NETO1: variants seen among roughly 807,000 people sequenced by gnomAD.
NETO1 encodes the protein neuropilin and tolloid-like protein 1.
In NETO1, 26 loss-of-function variants were observed where a neutral mutation model predicts 61.3. The observed-to-expected ratio is 0.42, with a 90% CI of 0.31 to 0.59. NETO1 has a LOEUF of 0.59. Ranked by LOEUF, NETO1 falls within the 20% of genes least tolerant of loss-of-function variation. The pLI, the probability that NETO1 is intolerant of heterozygous loss-of-function variation, is 0.12. For missense variants in NETO1, 531 were observed against 662.8 expected, an observed-to-expected ratio of 0.80 and a Z score of 2.18; for synonymous variants, 225 against 225.8, an observed-to-expected ratio of 1.00 and a Z score of 0.03.
At chr18:72,774,251 C>T (rs2071471464) in intron 7 of NETO1, among the ~76,000 whole-genome samples, 2 of 152,068 alleles carry the variant, frequency 1.3e-5, no homozygotes, top group South Asian at 4.1e-4. Flanking sequence ...TTCATCCATT[C>T]CAGTTACTGC....
intron 4 of NETO1, among the ~76,000 whole-genome samples, chr18:72,805,873 G>A (rs2072659362): frequency 6.6e-6 from 1 of 152,092 alleles, no homozygotes; most frequent in Non-Finnish European, 1.5e-5. Flanking sequence ...ATATGTTTGA[G>A]TATGATGTTG....
intron 4 of NETO1, among the ~76,000 whole-genome samples, chr18:72,851,779 CTTAA>C (rs1164019832): frequency 2.6e-5 from 4 of 152,082 alleles, no homozygotes; most frequent in East Asian, 1.9e-4. Flanking sequence ...AGTATTATCC[CTTAA>C]TTAAATTTCT....
chr18:72,785,237 C>T (rs1357685930), intron 6 of NETO1, among the ~76,000 whole-genome samples: 2 of 77,094 alleles, frequency 2.6e-5, no homozygotes, highest in Admixed American at 1.3e-4. Flanking sequence ...GAAACTGATA[C>T]GACAATTTCT....
In NETO1 at chr18:72,746,134, A is replaced by C. The variant is rs149714298; in HGVS notation, c.*2045T>G. On this transcript the variant is annotated 3_prime_UTR_variant, in exon 11 of 11. Coordinates refer to ENST00000327305, the MANE Select transcript of NETO1 (RefSeq NM_138966.5). ...ACAGTTATAGAACAAATTAATAGTA[A>C]AATGTTCACCTAACTTATTTCACTA... is the stretch of plus-strand genomic sequence containing the variant. Among the ~76,000 whole-genome samples, 77 of 152,272 alleles carry C rather than the reference A, an allele frequency of 5.1e-4. No individual in the cohort carries two copies. Among genetic ancestry groups the C allele is most frequent in the Admixed American group, 9.2e-4 (14 of 15,270 alleles).
rs2074786247 is a variant in NETO1, at chr18:72,867,787, G to GCGC, written c.-497_-496insGCG. ...GGCAGCGACGGAGCGGGCGGCGGCGGCGGCGCCGGCGGCGGCGGGGTGGCT... is the reference window on the plus strand; with the variant it reads ...GGCAGCGACGGAGCGGGCGGCGGCGGCGCCGGCGCCGGCGGCGGCGGGGTGGCT... On this transcript the variant is annotated 5_prime_UTR_variant, in exon 1 of 11. Transcript: ENST00000327305. 1 of 156,998 alleles carries GCGC rather than the reference G, an allele frequency of 6.4e-6. No individual in the cohort carries two copies. Among genetic ancestry groups the GCGC allele is most frequent in the Non-Finnish European group, 1.4e-5 (1 of 73,818 alleles). 9.7% of individuals were successfully genotyped at this position (156,998 alleles called of 1,614,324 possible). A position where few individuals can be genotyped will look rare whatever the true frequency, so the allele number is the denominator to read the frequency against.
chr18:72,833,077 C>T (rs1243577544), intron 4 of NETO1, among the ~76,000 whole-genome samples: 1 of 152,122 alleles, frequency 6.6e-6, no homozygotes, highest in Non-Finnish European at 1.5e-5. Flanking sequence ...ACAGCTCTAA[C>T]CTATTACTTT....
At chr18:72,861,558 A>G (rs2074572440) in intron 3 of NETO1, among the ~76,000 whole-genome samples, 1 of 152,228 alleles carries the variant, frequency 6.6e-6, no homozygotes. Context: ...GAATCTTCAG[A>G]CGCACTGAGA....
chr18:72,851,414 C>CAAAAAAAAA (rs570774226), intron 4 of NETO1, among the ~76,000 whole-genome samples: 8 of 149,118 alleles, frequency 5.4e-5, no homozygotes, highest in Admixed American at 2.0e-4. Context: ...TCCCTCAAAA[C>CAAAAAAAAA]AAAAAAAGAA....
intron 4 of NETO1, among the ~76,000 whole-genome samples, chr18:72,839,184 C>G (rs1266913314): frequency 6.6e-6 from 1 of 152,098 alleles, no homozygotes; most frequent in Non-Finnish European, 1.5e-5. Flanking sequence ...AGAAACTCTA[C>G]TGAGTATGAA....
At chr18:72,758,879 C>T (rs1434025256) in intron 7 of NETO1, among the ~76,000 whole-genome samples, 1 of 152,000 alleles carries the variant, frequency 6.6e-6, no homozygotes, top group Non-Finnish European at 1.5e-5. Context: ...AAAAAAGTAG[C>T]AATGTATAAA....
chr18:72,762,720 G>A (rs2071019138), intron 7 of NETO1, among the ~76,000 whole-genome samples: 1 of 152,078 alleles, frequency 6.6e-6, no homozygotes, highest in Non-Finnish European at 1.5e-5. Context: ...ATTACCACAA[G>A]GTGGCGAACT....
chr18:72,838,238 C>T (rs1943669), intron 4 of NETO1, among the ~76,000 whole-genome samples: 146,266 of 152,334 alleles, frequency 0.96, 70,312 homozygotes, highest in Non-Finnish European at 0.99. Context: ...CTGGTGATAT[C>T]TGTGGTTAAC....
intron 6 of NETO1, among the ~76,000 whole-genome samples, chr18:72,792,284 A>T (rs948833641): frequency 6.6e-6 from 1 of 152,060 alleles, no homozygotes; most frequent in Non-Finnish European, 1.5e-5. Flanking sequence ...ATACAAAAAA[A>T]GTTAGCCAAG....
intron 4 of NETO1, among the ~76,000 whole-genome samples, chr18:72,815,248 G>A (rs975991210): frequency 1.4e-4 from 22 of 151,978 alleles, no homozygotes; most frequent in Admixed American, 1.3e-4. Flanking sequence ...AAAAAGAATC[G>A]CTTTATGATT....
In NETO1 at chr18:72,852,913, AC is replaced by A. The variant is rs1401745001; in HGVS notation, c.469+5912del. On this transcript the variant is annotated intron_variant, in intron 4 of 10. Transcript: ENST00000327305. Reference sequence around the variant, plus strand: ...AGTGGCATGATCTCAGCTCACTGCAACCTCTACCTCCCGGATTCAAGCAATT... The same window carrying A: ...AGTGGCATGATCTCAGCTCACTGCAACTCTACCTCCCGGATTCAAGCAATT... Among the ~76,000 whole-genome samples, 11 of 149,492 alleles carry A rather than the reference AC, an allele frequency of 7.4e-5. No individual in the cohort carries two copies. The East Asian group carries it at 7.9e-4, about 11-fold the overall frequency.
intron 4 of NETO1, among the ~76,000 whole-genome samples, chr18:72,844,674 T>C (rs1286993508): frequency 2.6e-5 from 4 of 152,232 alleles, no homozygotes; most frequent in Non-Finnish European, 5.9e-5. Context: ...GTTGACTCAT[T>C]TAGATAGTCA....
intron 7 of NETO1, among the ~76,000 whole-genome samples, chr18:72,774,965 T>G (rs1176977581): frequency 6.6e-6 from 1 of 152,208 alleles, no homozygotes; most frequent in Non-Finnish European, 1.5e-5. Flanking sequence ...GTCTTGTCCC[T>G]GGGTTTCAAA....
At position 72,830,829 on chromosome 18, in the gene NETO1, T is replaced by C. The variant is rs1298060166; in HGVS notation, c.469+27997A>G. On this transcript the variant is annotated intron_variant, in intron 4 of 10. Transcript: ENST00000327305. This position sits in a 1 kb window ranked among gnomAD's most constrained non-coding sequence, Gnocchi z 4.9. The stretch of plus-strand genomic sequence containing the variant: ...CACAGAAAAGGTTTCCGAAAGATTA[T>C]GCTACACTTATGGGTTCCAGTTGTT... 6.6e-6 allele frequency among the ~76,000 whole-genome samples: 1 copy of C among 152,194 alleles called. No homozygotes were observed. The highest frequency in any genetic ancestry group is 6.5e-5 in the Admixed American group (1 of 15,282).
chr18:72,816,653 C>T (rs1392832281), intron 4 of NETO1, among the ~76,000 whole-genome samples: 1 of 152,190 alleles, frequency 6.6e-6, no homozygotes, highest in African/African-American at 2.4e-5. Flanking sequence ...GAAAAGGCAA[C>T]CGTGCCTGGA....
Sources: allele counts gnomAD v4.1 joint callset (sites outside exome capture counted in the v4.1 genomes callset), GRCh38; gene constraint gnomAD v4.1.1; non-coding constraint Gnocchi (gnomAD v3.1); transcripts MANE v1.5; gene names NCBI Gene and HGNC (gene_info 2026-07-23, HGNC 2026-07-21).